The following KAZN variants were observed in gnomAD, a reference collection of about 807,000 sequenced individuals.
The protein encoded by KAZN is kazrin, periplakin interacting protein.
In KAZN, 40 loss-of-function variants were observed where a neutral mutation model predicts 87.4. The ratio of observed to expected loss-of-function variants is 0.46; its 90% CI spans 0.36 to 0.60. The LOEUF (loss-of-function observed/expected upper bound fraction) is 0.60, where lower values mean the gene tolerates loss of function less well. Ranked by LOEUF, KAZN falls within the 20% of genes least tolerant of loss-of-function variation. The probability of loss-of-function intolerance (pLI) is 0.00; values close to 1 mark genes in which losing one functional copy is unlikely to be tolerated. For missense variants in KAZN, 898 were observed against 1,073.9 expected, an observed-to-expected ratio of 0.84 and a Z score of 2.29; for synonymous variants, 466 against 458.3, an observed-to-expected ratio of 1.02 and a Z score of -0.22.
chr1:13,936,746 A>G (rs1048425593), intron 1 of KAZN, among the ~76,000 whole-genome samples: 2 of 152,156 alleles, frequency 1.3e-5, no homozygotes, highest in South Asian at 2.1e-4. Flanking sequence ...TGGTGTATGT[A>G]TATGTGTACA....
chr1:15,052,360 A>G (rs1480558612), intron 4 of KAZN, among the ~76,000 whole-genome samples: 3 of 152,200 alleles, frequency 2.0e-5, no homozygotes, highest in Non-Finnish European at 4.4e-5. Context: ...ACTGCCTTTT[A>G]TAAAACCGTC....
At chr1:13,946,069 A>G (rs1423004092) in intron 1 of KAZN, among the ~76,000 whole-genome samples, 1 of 152,160 alleles carries the variant, frequency 6.6e-6, no homozygotes, top group African/African-American at 2.4e-5. Flanking sequence ...AGATGAAACT[A>G]CCTTCCTATT....
At chr1:14,115,484 C>T (rs1644596330) in intron 1 of KAZN, among the ~76,000 whole-genome samples, 2 of 152,318 alleles carry the variant, frequency 1.3e-5, no homozygotes, top group South Asian at 4.1e-4. Flanking sequence ...CCTGCACAAG[C>T]TTCTTCTCTT....
At chr1:15,030,305 TCTCCCAGGTG>T (rs1671563276) in intron 2 of KAZN, among the ~76,000 whole-genome samples, 1 of 152,150 alleles carries the variant, frequency 6.6e-6, no homozygotes, top group African/African-American at 2.4e-5. Context: ...TCTCACTCTG[TCTCCCAGGTG>T]GGAGTACAGT....
chr1:14,788,603 T>C (rs1032713069), intron 1 of KAZN, among the ~76,000 whole-genome samples: 6 of 152,024 alleles, frequency 3.9e-5, no homozygotes, highest in African/African-American at 1.4e-4. Context: ...AAAAGATGCA[T>C]TGAGACCCAG....
At chr1:14,798,139 C>G (rs577563801) in intron 1 of KAZN, among the ~76,000 whole-genome samples, 1 of 152,106 alleles carries the variant, frequency 6.6e-6, no homozygotes, top group Non-Finnish European at 1.5e-5. Context: ...CTGTTGCTGC[C>G]GCTTACACAG....
intron 1 of KAZN, among the ~76,000 whole-genome samples, chr1:14,933,507 C>G (rs1660089219): frequency 6.6e-6 from 1 of 151,508 alleles, no homozygotes; most frequent in South Asian, 2.1e-4. Flanking sequence ...TCACACTTCC[C>G]TTAGCCCTTT....
chr1:14,606,831 G>T (rs994186527), intron 1 of KAZN, among the ~76,000 whole-genome samples: 28 of 152,166 alleles, frequency 1.8e-4, no homozygotes, highest in African/African-American at 6.5e-4. Flanking sequence ...CTAGATGACA[G>T]TAGAACCCTT....
At chr1:14,069,998 G>C (rs965302545) in intron 1 of KAZN, among the ~76,000 whole-genome samples, 4 of 151,998 alleles carry the variant, frequency 2.6e-5, no homozygotes, top group African/African-American at 9.6e-5. Flanking sequence ...GTGAAACTCT[G>C]TCTCTACTAA....
At chr1:14,935,588 C>T (rs937900120) in intron 1 of KAZN, among the ~76,000 whole-genome samples, 14 of 152,324 alleles carry the variant, frequency 9.2e-5, no homozygotes, top group African/African-American at 1.4e-4. Flanking sequence ...CCCTGCAAGG[C>T]GATGCTGATG....
At chr1:14,578,067 C>G (rs953030748) in intron 2 of KAZN, among the ~76,000 whole-genome samples, 4 of 152,034 alleles carry the variant, frequency 2.6e-5, no homozygotes, top group Non-Finnish European at 4.4e-5. Flanking sequence ...GCATCTACCC[C>G]CTACTTGTCA....
intron 2 of KAZN, among the ~76,000 whole-genome samples, chr1:14,245,486 T>C (rs1194108126): frequency 6.6e-6 from 1 of 152,286 alleles, no homozygotes; most frequent in East Asian, 1.9e-4. Context: ...TAGCTGGTCC[T>C]GAATTAAACA....
rs1676691878 is a variant in KAZN, at chr1:14,598,767, T to A, written c.-231T>A. 2.2e-6 allele frequency: 3 copies of A among 1,344,402 alleles called. No individual in the cohort carries two copies. The Admixed American group carries it at 1.3e-4, about 56-fold the overall frequency. The allele number at this position is 1,344,402 out of a possible 1,614,324, so 83.3% of individuals were successfully genotyped here. On this transcript the variant is annotated 5_prime_UTR_variant, in exon 1 of 15. Transcript: ENST00000376030. This position sits in a 1 kb window ranked among gnomAD's most constrained non-coding sequence, Gnocchi z 4.2. ...CTCCTCCTTCTCCTCCTCTTTTTTC[T>A]CCTCCGCCTCCTCCCCCCGCCGCCT...
At chr1:15,033,896 G>T (rs1339518430) in intron 2 of KAZN, among the ~76,000 whole-genome samples, 1 of 152,002 alleles carries the variant, frequency 6.6e-6, no homozygotes, top group East Asian at 1.9e-4. Context: ...ACACCACCAC[G>T]CCTGGCTAAT....
At chr1:14,132,336 T>A (rs1456768031) in intron 1 of KAZN, among the ~76,000 whole-genome samples, 2 of 151,904 alleles carry the variant, frequency 1.3e-5, no homozygotes, top group Non-Finnish European at 2.9e-5. Context: ...AAGCAGGGGG[T>A]CACAGCAGGT....
chr1:14,394,804 AG>A (rs1441378656), intron 2 of KAZN, among the ~76,000 whole-genome samples: 1 of 152,194 alleles, frequency 6.6e-6, no homozygotes, highest in African/African-American at 2.4e-5. Flanking sequence ...TGAGGTGGGT[AG>A]GAAGTGTTCC....
chr1:13,893,598 C>G (rs779628801), exon 1 of KAZN: 12 of 1,529,692 alleles, frequency 7.8e-6, no homozygotes, highest in Non-Finnish European at 1.1e-5. Flanking sequence ...GCGACGGCAT[C>G]CTTTGCTCTG....
At chr1:15,050,025 GT>G (rs1557756494) in intron 4 of KAZN, among the ~76,000 whole-genome samples, 6 of 73,552 alleles carry the variant, frequency 8.2e-5, no homozygotes, top group Non-Finnish European at 1.4e-4. Flanking sequence ...TCAGAGTAGA[GT>G]AGGGTAGGGT....
chr1:14,186,513 G>C (rs144148150), intron 2 of KAZN, among the ~76,000 whole-genome samples: 4 of 152,016 alleles, frequency 2.6e-5, no homozygotes, highest in African/African-American at 7.2e-5. Flanking sequence ...TTGTTTCAGC[G>C]TGCTGTGGTT....
Sources: allele counts gnomAD v4.1 joint callset (sites outside exome capture counted in the v4.1 genomes callset), GRCh38; gene constraint gnomAD v4.1.1; non-coding constraint Gnocchi (gnomAD v3.1); transcripts MANE v1.5; gene names NCBI Gene and HGNC (gene_info 2026-07-23, HGNC 2026-07-21).